INPP4B: variants seen among roughly 807,000 people sequenced by gnomAD.
INPP4B encodes the protein inositol polyphosphate 4-phosphatase type II.
Under a neutral mutation model 122.5 loss-of-function variants are expected in INPP4B, and 55 were observed. The observed-to-expected ratio is 0.45, with a 90% CI of 0.36 to 0.56. The LOEUF is 0.56. INPP4B is among the 20% of genes least tolerant of loss of function. INPP4B has a pLI of 0.00. For synonymous variants in INPP4B, 403 were observed against 388.7 expected, an observed-to-expected ratio of 1.04 and a Z score of -0.43; for missense variants, 1,000 against 1,097.7, an observed-to-expected ratio of 0.91 and a Z score of 1.26.
chr4:142,639,392 A>C (rs1749879059), intron 2 of INPP4B, among the ~76,000 whole-genome samples: 1 of 152,150 alleles, frequency 6.6e-6, no homozygotes, highest in Non-Finnish European at 1.5e-5. Context: ...TTTCTGTTTT[A>C]ATGGGTTGTT....
At position 142,580,793 on chromosome 4, in the gene INPP4B, G is replaced by T. The variant is rs574473136; in HGVS notation, c.-190-118067C>A. ...CAGAGGGAGATACATTAAATAAATT[G>T]GGTCAAAATCATTTAATCCACTTCC... On this transcript the variant is annotated intron_variant, in intron 2 of 25. Coordinates refer to ENST00000262992, the MANE Select transcript of INPP4B (RefSeq NM_001101669.3). Among the ~76,000 whole-genome samples the T allele has an allele frequency of 1.2e-4, 18 of 152,160 alleles. No homozygotes were observed. In the South Asian group the frequency reaches 3.7e-3, roughly 32 times the overall value.
At chr4:142,475,858 A>C (rs1315252036) in intron 2 of INPP4B, among the ~76,000 whole-genome samples, 5 of 152,240 alleles carry the variant, frequency 3.3e-5, no homozygotes, top group African/African-American at 1.2e-4. Flanking sequence ...TAAAGAGATC[A>C]TATCTATGAC....
chr4:142,824,900 G>A (rs1781268935), intron 1 of INPP4B, among the ~76,000 whole-genome samples: 1 of 151,874 alleles, frequency 6.6e-6, no homozygotes, highest in Admixed American at 6.6e-5. Flanking sequence ...CTTTGGGTTT[G>A]CAAATACTTT....
chr4:142,127,642 A>G (rs1799222617), intron 18 of INPP4B, among the ~76,000 whole-genome samples: 1 of 152,206 alleles, frequency 6.6e-6, no homozygotes, highest in Non-Finnish European at 1.5e-5. Context: ...TTATGGCTAA[A>G]ATATCAGGAC....
rs549826281 is a variant in INPP4B at position 142,540,000 on chromosome 4, C to T, written c.-190-77274G>A. The stretch of plus-strand genomic sequence containing the variant: ...TTTTCAACATTTCAACTTGAAGTTC[C>T]TCTTTTTCTGTCCTTTTTAACTCCA... On this transcript the variant is annotated intron_variant, in intron 2 of 25. Coordinates refer to ENST00000262992, the MANE Select transcript of INPP4B (RefSeq NM_001101669.3). 3.3e-5 allele frequency among the ~76,000 whole-genome samples: 5 copies of T among 152,130 alleles called. No homozygotes were observed. In the East Asian group the frequency reaches 7.7e-4, roughly 24 times the overall value.
chr4:142,646,344 G>A (rs1751772923), intron 2 of INPP4B, among the ~76,000 whole-genome samples: 2 of 152,094 alleles, frequency 1.3e-5, no homozygotes, highest in Admixed American at 6.6e-5. Context: ...CAGCTACAAA[G>A]AAGATCCTAT....
At chr4:142,452,208 C>A (rs1814437565) in intron 3 of INPP4B, among the ~76,000 whole-genome samples, 1 of 152,110 alleles carries the variant, frequency 6.6e-6, no homozygotes, top group South Asian at 2.1e-4. Flanking sequence ...CCAGCTTTGT[C>A]CATGTTCCAG....
chr4:142,681,882 T>C (rs1758673883), intron 2 of INPP4B, among the ~76,000 whole-genome samples: 1 of 151,878 alleles, frequency 6.6e-6, no homozygotes, highest in Non-Finnish European at 1.5e-5. Flanking sequence ...TTGGCAGATA[T>C]TGCTGTCTAT....
intron 25 of INPP4B, among the ~76,000 whole-genome samples, chr4:142,063,787 T>C (rs1762186987): frequency 6.6e-6 from 1 of 152,160 alleles, no homozygotes; most frequent in Non-Finnish European, 1.5e-5. Flanking sequence ...ATTCAGGGGA[T>C]GTGGGCAAAG....
chr4:142,558,793 T>TAAAAAAAAAAAAAAA (rs34151070), intron 2 of INPP4B, among the ~76,000 whole-genome samples: 9 of 75,548 alleles, frequency 1.2e-4, no homozygotes, highest in East Asian at 2.6e-4. Flanking sequence ...AGACTCCCTC[T>TAAAAAAAAAAAAAAA]AAAAAAAAAA....
chr4:142,399,921 G>A (rs551987105), intron 7 of INPP4B, among the ~76,000 whole-genome samples: 2 of 152,188 alleles, frequency 1.3e-5, no homozygotes, highest in African/African-American at 4.8e-5. Flanking sequence ...GAAGGATGAA[G>A]GATGTAGTAG....
chr4:142,173,489 T>C, intron 16 of INPP4B, 143 bp downstream of exon 16: 1 of 635,382 alleles, frequency 1.6e-6, no homozygotes, highest in Non-Finnish European at 2.6e-6. Flanking sequence ...ATTTTGATCC[T>C]GTGGCAATAC....
chr4:142,824,306 G>GTCTA (rs1322328343), intron 1 of INPP4B, among the ~76,000 whole-genome samples: 11 of 151,434 alleles, frequency 7.3e-5, no homozygotes, highest in African/African-American at 1.7e-4. Flanking sequence ...TTATCTATCT[G>GTCTA]TCTATCTATC....
rs1491072115 is a variant in INPP4B at position 142,192,332 on chromosome 4, G to GT, written c.1181+754dup. ...GCACACATACCCTTGGAATCTAAAA[G>GT]TAAAAAAAAAAAAAAAAAAAAATGG... On this transcript the variant is annotated intron_variant, in intron 15 of 25. Coordinates refer to ENST00000262992, the MANE Select transcript of INPP4B (RefSeq NM_001101669.3). 1.9e-3 allele frequency among the ~76,000 whole-genome samples: 9 copies of GT among 4,668 alleles called. No homozygotes were observed. In the East Asian group the frequency reaches 0.054, roughly 28 times the overall value. 3.1% of individuals were successfully genotyped at this position (4,668 alleles called of 152,430 possible).
At chr4:142,268,114 G>A (rs986681994) in intron 10 of INPP4B, among the ~76,000 whole-genome samples, 1 of 151,518 alleles carries the variant, frequency 6.6e-6, no homozygotes, top group Admixed American at 6.6e-5. Flanking sequence ...ACGAAATCAG[G>A]AGACTGAGAC....
chr4:142,748,623 G>A (rs560810657), intron 1 of INPP4B, among the ~76,000 whole-genome samples: 2 of 151,622 alleles, frequency 1.3e-5, no homozygotes, highest in African/African-American at 2.4e-5. Flanking sequence ...AATAACAAAT[G>A]GAATGGACAT....
chr4:142,254,896 T>A (rs938595826), intron 11 of INPP4B, among the ~76,000 whole-genome samples: 1 of 151,596 alleles, frequency 6.6e-6, no homozygotes, highest in African/African-American at 2.4e-5. Flanking sequence ...CCAAGACACA[T>A]AATTGTCAGA....
intron 1 of INPP4B, among the ~76,000 whole-genome samples, chr4:142,765,558 T>A (rs1771988220): frequency 1.3e-5 from 2 of 152,224 alleles, no homozygotes; most frequent in South Asian, 4.1e-4. Context: ...CCCACTCTCC[T>A]CCAAACAATC....
At chr4:142,575,187 C>A (rs1733588858) in intron 2 of INPP4B, among the ~76,000 whole-genome samples, 1 of 151,368 alleles carries the variant, frequency 6.6e-6, no homozygotes, top group Non-Finnish European at 1.5e-5. Context: ...CAATTTGACC[C>A]ATAGTGCCGT....
Sources: allele counts gnomAD v4.1 joint callset (sites outside exome capture counted in the v4.1 genomes callset), GRCh38; gene constraint gnomAD v4.1.1; transcripts MANE v1.5; gene names NCBI Gene and HGNC (gene_info 2026-07-23, HGNC 2026-07-21).